The following IMPA2 variants were observed in gnomAD, a reference collection of about 807,000 sequenced individuals.
IMPA2 encodes IMP 2.
In IMPA2, 32 loss-of-function variants were observed where a neutral mutation model predicts 35.1. The ratio of observed to expected loss-of-function variants is 0.91; its 90% confidence interval spans 0.69 to 1.23. The LOEUF (loss-of-function observed/expected upper bound fraction) is 1.23. Among genes scored for constraint, IMPA2 ranks in the 50% most tolerant of loss-of-function variants. The pLI, the probability that IMPA2 is intolerant of heterozygous loss-of-function variation, is 0.00. For missense variants in IMPA2, 334 were observed against 387.6 expected (o/e 0.86, Z 1.16); for synonymous variants, 135 against 160.6 (o/e 0.84, Z 1.20).
At chr18:12,009,449 G>A (rs560508584) in intron 2 of IMPA2, among the ~76,000 whole-genome samples, 3 of 152,186 alleles carry the variant, frequency 2.0e-5, no homozygotes, top group East Asian at 1.9e-4. Context: ...TTAACCCCTC[G>A]GTGCCCAGGT....
At chr18:12,024,995 T>C (rs977069166) in intron 5 of IMPA2, among the ~76,000 whole-genome samples, 1 of 152,226 alleles carries the variant, frequency 6.6e-6, no homozygotes, top group Admixed American at 6.5e-5. Context: ...CAGTATCATA[T>C]AGAATATTTT....
chr18:12,014,185 C>A, intron 4 of IMPA2, 80 bp from the exon 5 acceptor site: 1 of 984,126 alleles, frequency 1.0e-6, no homozygotes, highest in Non-Finnish European at 1.6e-6. Context: ...GCGCAGCCTT[C>A]ATCTTTGAAT....
At chr18:12,016,425 CT>C (rs1262483020) in intron 5 of IMPA2, among the ~76,000 whole-genome samples, 157 of 132,292 alleles carry the variant, frequency 1.2e-3, no homozygotes, top group Non-Finnish European at 1.3e-3. Flanking sequence ...GATTCTGCCG[CT>C]TTTTTTTTTT....
chr18:12,012,048 C>A, intron 3 of IMPA2, 122 bp from the exon 4 acceptor site: 1 of 790,222 alleles, frequency 1.3e-6, no homozygotes, highest in Non-Finnish European at 2.1e-6. Flanking sequence ...AGTTTTTAAA[C>A]AACCAACCCA....
chr18:12,012,125 G>T, intron 3 of IMPA2, 45 bp from the exon 4 acceptor site: 1 of 1,598,740 alleles, frequency 6.3e-7, no homozygotes. Flanking sequence ...CCCGAGAGCT[G>T]CCGCTCTTGT....
chr18:12,008,321 T>C (rs540749600), intron 2 of IMPA2: 1 of 518,712 alleles, frequency 1.9e-6, no homozygotes, highest in Admixed American at 1.9e-5. Flanking sequence ...TTCTTTTTCT[T>C]ACTCTCTGCA....
chr18:12,027,584 T>TTG, intron 5 of IMPA2, among the ~76,000 whole-genome samples: 1 of 131,100 alleles, frequency 7.6e-6, no homozygotes, highest in Non-Finnish European at 1.7e-5. Context: ...TTTTTTTTTT[T>TTG]TTTTTTAAAG....
At chr18:12,028,676 G>T in intron 6 of IMPA2, 166 bp from the exon 7 acceptor site, 1 of 763,512 alleles carries the variant, frequency 1.3e-6, no homozygotes, top group Non-Finnish European at 2.1e-6. Flanking sequence ...CCTGTTGGTT[G>T]GTGGCTCCAG....
intron 2 of IMPA2, among the ~76,000 whole-genome samples, chr18:12,004,182 G>A (rs1323160507): frequency 6.6e-6 from 1 of 152,118 alleles, no homozygotes; most frequent in Non-Finnish European, 1.5e-5. Flanking sequence ...TTGTGAAGAT[G>A]GGGACAGAGT....
Position 12,010,279 on chromosome 18 carries a change from C to T in IMPA2, c.335+292C>T, listed in dbSNP as rs1907396984. ...GGACCCCTTGAAGGAGTCTGACTCC[C>T]CTCACACCCCACCCCCACTGGAGAA... On this transcript the variant is annotated intron_variant, in intron 3 of 7. Transcript: ENST00000269159. This position sits in a 1 kb window ranked among gnomAD's most constrained non-coding sequence, Gnocchi z 4.8. The T allele has an allele frequency of 3.3e-6, 1 of 304,474 alleles. No individual in the cohort carries two copies. The highest frequency in any genetic ancestry group is 4.9e-5 in the Admixed American group (1 of 20,494). 18.9% of individuals were successfully genotyped at this position (304,474 alleles called of 1,614,324 possible). A position where few individuals can be genotyped will look rare whatever the true frequency, so the allele number is the denominator to read the frequency against.
chr18:12,030,498 C>T lies in IMPA2; in HGVS notation c.*40C>T, dbSNP rs750039557. 1.2e-5 allele frequency: 18 copies of T among 1,515,072 alleles called. No homozygotes were observed. The highest frequency in any genetic ancestry group is 1.7e-5 in the Non-Finnish European group (18 of 1,090,262). The allele number at this position is 1,515,072 out of a possible 1,614,324, so 93.9% of individuals were successfully genotyped here. A position where few individuals can be genotyped will look rare whatever the true frequency, so the allele number is the denominator to read the frequency against. ...AAGCTGCTCCCAAGGCCTCCCTGGGCTGCTGTGGGCTCCTGGGGAGGTGGC... is the reference window on the plus strand; with the variant it reads ...AAGCTGCTCCCAAGGCCTCCCTGGGTTGCTGTGGGCTCCTGGGGAGGTGGC... On this transcript the variant is annotated 3_prime_UTR_variant, in exon 8 of 8. Coordinates refer to ENST00000269159, the MANE Select transcript of IMPA2 (RefSeq NM_014214.3).
intron 2 of IMPA2, among the ~76,000 whole-genome samples, chr18:12,005,280 A>C (rs1804654075): frequency 6.6e-6 from 1 of 152,200 alleles, no homozygotes; most frequent in South Asian, 2.1e-4. Flanking sequence ...GCTGAAAAAC[A>C]TCCAGTGCTC....
chr18:12,010,054 T>C lies in IMPA2; in HGVS notation c.335+67T>C. On this transcript the variant is annotated intron_variant, in intron 3 of 7. Coordinates refer to ENST00000269159, the MANE Select transcript of IMPA2 (RefSeq NM_014214.3). The surrounding 1 kb of genome is among the most constrained non-coding windows in gnomAD (Gnocchi z 4.8). Reference sequence around the variant, plus strand: ...GTCCTCTTCTGTGAGGTTTTGTCTTTTCAAAAGCAGCATTTTTTAAGGCAG... The same window carrying C: ...GTCCTCTTCTGTGAGGTTTTGTCTTCTCAAAAGCAGCATTTTTTAAGGCAG... The C allele has an allele frequency of 8.0e-7, 1 of 1,252,900 alleles. No individual in the cohort carries two copies. The highest frequency in any genetic ancestry group is 1.2e-6 in the Non-Finnish European group (1 of 861,230). The allele number at this position is 1,252,900 out of a possible 1,614,324, so 77.6% of individuals were successfully genotyped here.
intron 2 of IMPA2, among the ~76,000 whole-genome samples, chr18:12,004,370 GGTTAA>G (rs1907196463): frequency 6.6e-6 from 1 of 152,100 alleles, no homozygotes; most frequent in Non-Finnish European, 1.5e-5. Flanking sequence ...AAAGAAAAGT[GGTTAA>G]GTTATGCAGT....
intron 1 of IMPA2, among the ~76,000 whole-genome samples, chr18:11,985,485 A>G (rs1385418951): frequency 2.0e-5 from 3 of 152,246 alleles, no homozygotes; most frequent in African/African-American, 7.2e-5. Flanking sequence ...TTAGGCTTCA[A>G]ACTTGTTACT....
intron 5 of IMPA2, among the ~76,000 whole-genome samples, chr18:12,026,637 G>A (rs1042721145): frequency 3.9e-5 from 6 of 152,194 alleles, no homozygotes; most frequent in African/African-American, 9.6e-5. Context: ...CCCCCACCCC[G>A]GAAAAAATAC....
In IMPA2 at chr18:12,030,822, C is replaced by T. The variant is rs528190479; in HGVS notation, c.*364C>T. On this transcript the variant is annotated 3_prime_UTR_variant, in exon 8 of 8. Transcript: ENST00000269159. The stretch of plus-strand genomic sequence containing the variant: ...CTTTAGAACTGCTGATAAAGCGGAT[C>T]GTTCTCAGGCCCTCCCCCCGGAGTA... 94 of 216,224 alleles carry T rather than the reference C, an allele frequency of 4.3e-4. No homozygotes were observed. Among genetic ancestry groups the T allele is most frequent in the African/African-American group, 2.0e-3 (88 of 42,982 alleles). 13.4% of individuals were successfully genotyped at this position (216,224 alleles called of 1,614,324 possible). A position where few individuals can be genotyped will look rare whatever the true frequency, so the allele number is the denominator to read the frequency against.
At chr18:12,011,154 A>C in intron 3 of IMPA2, among the ~76,000 whole-genome samples, 1 of 152,218 alleles carries the variant, frequency 6.6e-6, no homozygotes, top group East Asian at 1.9e-4. Context: ...CTCCAGAGAC[A>C]TAGTTTCCAG....
intron 1 of IMPA2, among the ~76,000 whole-genome samples, chr18:11,983,644 G>A (rs1477685092): frequency 6.6e-6 from 1 of 152,092 alleles, no homozygotes; most frequent in African/African-American, 2.4e-5. Context: ...TTTAAACGCT[G>A]GAGAGGGTTG....
Sources: allele counts gnomAD v4.1 joint callset (sites outside exome capture counted in the v4.1 genomes callset), GRCh38; gene constraint gnomAD v4.1.1; non-coding constraint Gnocchi (gnomAD v3.1); transcripts MANE v1.5; gene names NCBI Gene and HGNC (gene_info 2026-07-23, HGNC 2026-07-21).